Variants in MYRIP observed in about 807,000 individuals in gnomAD.
The protein encoded by MYRIP is rab effector MyRIP.
In MYRIP, 49 loss-of-function variants were observed where a neutral mutation model predicts 98.0. That is an observed-to-expected ratio of 0.50 (90% confidence interval 0.40 to 0.63). The LOEUF (loss-of-function observed/expected upper bound fraction) is 0.63. Among genes scored for constraint, MYRIP ranks in the 30% least tolerant of loss-of-function variants. The pLI is 0.00. For synonymous variants in MYRIP, 404 were observed against 409.5 expected (o/e 0.99, Z 0.16); for missense variants, 1,004 against 1,058.2 (o/e 0.95, Z 0.71).
chr3:40,203,446 G>A (rs1951625908), intron 10 of MYRIP, among the ~76,000 whole-genome samples: 1 of 151,766 alleles, frequency 6.6e-6, no homozygotes, highest in Non-Finnish European at 1.5e-5. Context: ...TGAGGCCCAG[G>A]TAATCCAGAA....
At chr3:40,110,881 GGTGTGTGTGTGTGT>G (rs58040369) in intron 3 of MYRIP, among the ~76,000 whole-genome samples, 2,104 of 147,476 alleles carry the variant, frequency 0.014, 31 homozygotes, top group African/African-American at 0.031. Context: ...TTCATGAAGG[GGTGTGTGTGTGTGT>G]GTGTGTGTGT....
intron 5 of MYRIP, 75 bp from the exon 6 acceptor site, chr3:40,166,771 A>T: frequency 9.7e-7 from 1 of 1,030,400 alleles, no homozygotes; most frequent in Non-Finnish European, 1.5e-6. Context: ...TGAAGAATTT[A>T]AGCAGAAGAG....
At chr3:40,015,865 T>C (rs1261617435) in intron 2 of MYRIP, among the ~76,000 whole-genome samples, 1 of 152,224 alleles carries the variant, frequency 6.6e-6, no homozygotes, top group East Asian at 1.9e-4. Context: ...TAAGAAAGTT[T>C]ATCTCACAAA....
At chr3:40,017,251 A>G (rs12634361) in intron 2 of MYRIP, among the ~76,000 whole-genome samples, 52,942 of 152,072 alleles carry the variant, frequency 0.35, 9,400 homozygotes, top group Middle Eastern at 0.4. Flanking sequence ...TTCCCAGTGT[A>G]TCTAGATGTG....
intron 10 of MYRIP, among the ~76,000 whole-genome samples, chr3:40,203,379 T>A (rs1951624304): frequency 6.6e-6 from 1 of 152,002 alleles, no homozygotes; most frequent in South Asian, 2.1e-4. Flanking sequence ...ACCCTAAATA[T>A]AAATGCGGAT....
chr3:39,990,780 G>A (rs1392480248), intron 2 of MYRIP, among the ~76,000 whole-genome samples: 6 of 152,188 alleles, frequency 3.9e-5, no homozygotes, highest in Admixed American at 6.5e-5. Context: ...GACTCTGAAT[G>A]CATGTTCATT....
chr3:39,886,083 A>G (rs1375989462), intron 1 of MYRIP, among the ~76,000 whole-genome samples: 1 of 152,070 alleles, frequency 6.6e-6, no homozygotes, highest in African/African-American at 2.4e-5. Context: ...ATATCCAGCC[A>G]AACTAAGCTT....
intron 10 of MYRIP, among the ~76,000 whole-genome samples, chr3:40,199,138 C>T (rs1277845666): frequency 6.6e-6 from 1 of 152,154 alleles, no homozygotes; most frequent in East Asian, 1.9e-4. Context: ...ACAATAAATC[C>T]ATTCCTTAAA....
chr3:39,974,318 C>T (rs1404305398), intron 2 of MYRIP, among the ~76,000 whole-genome samples: 4 of 152,228 alleles, frequency 2.6e-5, no homozygotes, highest in African/African-American at 9.6e-5. Context: ...GGATAAATTC[C>T]TGGACACATA....
intron 3 of MYRIP, among the ~76,000 whole-genome samples, chr3:40,055,452 A>C (rs1022543411): frequency 7.9e-5 from 12 of 152,306 alleles, no homozygotes; most frequent in South Asian, 2.1e-4. Context: ...AAATTAGGGG[A>C]GAAAAATCAA....
chr3:39,943,588 T>C (rs905716984), intron 2 of MYRIP, among the ~76,000 whole-genome samples: 2 of 152,154 alleles, frequency 1.3e-5, no homozygotes, highest in African/African-American at 4.8e-5. Context: ...AGAAGAACAC[T>C]GTCCTATGAG....
chr3:40,147,583 C>T (rs1324440340), intron 3 of MYRIP, among the ~76,000 whole-genome samples: 1 of 152,108 alleles, frequency 6.6e-6, no homozygotes, highest in African/African-American at 2.4e-5. Flanking sequence ...TTGGCTATAA[C>T]ACTTGGGCTA....
intron 1 of MYRIP, among the ~76,000 whole-genome samples, chr3:39,888,370 C>T (rs1319058742): frequency 1.4e-4 from 21 of 150,900 alleles, no homozygotes; most frequent in Admixed American, 2.0e-4. Flanking sequence ...TCAGAAATAA[C>T]GCCACATATC....
chr3:39,956,095 C>T (rs1479289252), intron 2 of MYRIP, among the ~76,000 whole-genome samples: 1 of 152,160 alleles, frequency 6.6e-6, no homozygotes, highest in Non-Finnish European at 1.5e-5. Context: ...TTTAACACCC[C>T]ACTGTCAACA....
chr3:39,986,837 G>A (rs1368510419), intron 2 of MYRIP, among the ~76,000 whole-genome samples: 1 of 152,104 alleles, frequency 6.6e-6, no homozygotes, highest in African/African-American at 2.4e-5. Context: ...GCATGTTCCA[G>A]AGCTCCCAGG....
At chr3:40,166,658 G>T (rs1048380908) in intron 5 of MYRIP, among the ~76,000 whole-genome samples, 188 bp from the exon 6 acceptor site, 1 of 152,158 alleles carries the variant, frequency 6.6e-6, no homozygotes, top group Non-Finnish European at 1.5e-5. Flanking sequence ...TTGCAACTGG[G>T]GCATGGGATG....
intron 2 of MYRIP, among the ~76,000 whole-genome samples, chr3:39,994,483 G>C (rs961441182): frequency 6.6e-6 from 1 of 152,244 alleles, no homozygotes; most frequent in Admixed American, 6.5e-5. Context: ...CAGCAGCAAG[G>C]CTGGGGGAGG....
At chr3:39,838,053 C>T (rs1448654378) in intron 1 of MYRIP, among the ~76,000 whole-genome samples, 1 of 152,304 alleles carries the variant, frequency 6.6e-6, no homozygotes, top group Admixed American at 6.5e-5. Flanking sequence ...GATTTTTGCA[C>T]ATTGATTTTG....
intron 3 of MYRIP, among the ~76,000 whole-genome samples, chr3:40,138,002 A>T (rs977057629): frequency 2.6e-5 from 4 of 152,316 alleles, no homozygotes; most frequent in Middle Eastern, 6.8e-3. Context: ...TGTTATCCTC[A>T]GCCTTGCTTT....
Sources: gnomAD v4.1 joint callset for allele counts (sites outside exome capture counted in the v4.1 genomes callset) on GRCh38, gnomAD v4.1.1 for gene constraint, MANE v1.5 for transcripts, NCBI Gene and HGNC (gene_info 2026-07-23, HGNC 2026-07-21) for gene names.